HRH1: variants seen among roughly 807,000 people sequenced by gnomAD.
HRH1 encodes the protein histamine receptor H1.
HRH1 carries 6 observed loss-of-function variants against 10.3 expected under a neutral mutation model. That is an observed-to-expected ratio of 0.58 (90% confidence interval 0.32 to 1.15). The LOEUF (loss-of-function observed/expected upper bound fraction) is 1.15, where lower values mean the gene tolerates loss of function less well. Ranked by LOEUF, HRH1 falls within the 50% of genes most tolerant of loss-of-function variation. The probability of loss-of-function intolerance (pLI) is 0.05; values close to 1 mark genes in which losing one functional copy is unlikely to be tolerated. For missense variants in HRH1, 514 were observed against 615.3 expected (o/e 0.84, Z 1.74); for synonymous variants, 242 against 236.7 (o/e 1.02, Z -0.21).
intron 1 of HRH1, among the ~76,000 whole-genome samples, chr3:11,184,481 G>C (rs908320842): frequency 9.9e-5 from 15 of 152,216 alleles, no homozygotes; most frequent in African/African-American, 3.4e-4. Context: ...ACCCTCTTTT[G>C]TGTCTGAGGT....
chr3:11,199,319 C>G (rs1241495183), intron 1 of HRH1, among the ~76,000 whole-genome samples: 1 of 152,158 alleles, frequency 6.6e-6, no homozygotes, highest in Non-Finnish European at 1.5e-5. Context: ...TCCTTAGAGT[C>G]TAGTGCTTAC....
chr3:11,194,657 TACAA>T (rs2125023286), intron 1 of HRH1, among the ~76,000 whole-genome samples: 1 of 152,202 alleles, frequency 6.6e-6, no homozygotes, highest in Non-Finnish European at 1.5e-5. Context: ...GTACTAAAAA[TACAA>T]ACAATTAGCT....
At chr3:11,170,436 C>A (rs1032453385) in intron 1 of HRH1, among the ~76,000 whole-genome samples, 2 of 152,218 alleles carry the variant, frequency 1.3e-5, no homozygotes, top group Admixed American at 1.3e-4. Context: ...TGTGCCACAC[C>A]CCACACTGGG....
intron 1 of HRH1, among the ~76,000 whole-genome samples, chr3:11,176,534 C>G (rs1325389186): frequency 6.6e-6 from 1 of 152,164 alleles, no homozygotes; most frequent in Non-Finnish European, 1.5e-5. Flanking sequence ...CCCTCCAACA[C>G]ACACTGTGAA....
chr3:11,205,569 G>A (rs1938089374), intron 1 of HRH1, among the ~76,000 whole-genome samples: 1 of 152,152 alleles, frequency 6.6e-6, no homozygotes, highest in South Asian at 2.1e-4. Flanking sequence ...GCAAGCGCAT[G>A]GCACATGAAT....
At chr3:11,227,441 C>G (rs1938923094) in intron 1 of HRH1, among the ~76,000 whole-genome samples, 1 of 152,112 alleles carries the variant, frequency 6.6e-6, no homozygotes, top group Admixed American at 6.5e-5. Context: ...CGCCCGCCAC[C>G]ACGCCTGGCT....
chr3:11,196,841 A>G (rs1002083141), intron 1 of HRH1, among the ~76,000 whole-genome samples: 2 of 151,414 alleles, frequency 1.3e-5, no homozygotes, highest in African/African-American at 2.4e-5. Context: ...CGGGCACGGT[A>G]GCTCACGCCT....
chr3:11,165,168 A>C (rs183738580), intron 1 of HRH1, among the ~76,000 whole-genome samples: 2 of 152,364 alleles, frequency 1.3e-5, no homozygotes, highest in Admixed American at 1.3e-4. Flanking sequence ...AACAAGGTTG[A>C]AATGGAGATC....
chr3:11,147,812 A>G (rs1265271128), intron 1 of HRH1, among the ~76,000 whole-genome samples: 3 of 152,212 alleles, frequency 2.0e-5, no homozygotes, highest in Non-Finnish European at 4.4e-5. Flanking sequence ...CTTTAGGCCC[A>G]GGCTGTTTGA....
intron 1 of HRH1, among the ~76,000 whole-genome samples, chr3:11,203,012 C>T (rs1013835616): frequency 4.6e-5 from 7 of 152,162 alleles, no homozygotes; most frequent in African/African-American, 1.4e-4. Flanking sequence ...TAGTACGTAG[C>T]GTTTTCAGAT....
chr3:11,246,196 C>T (rs1054318282), intron 1 of HRH1, among the ~76,000 whole-genome samples: 2 of 152,164 alleles, frequency 1.3e-5, no homozygotes, highest in Non-Finnish European at 2.9e-5. Context: ...TCAGCTCCTG[C>T]CTCTAGAGCT....
At chr3:11,184,151 C>G (rs1937409225) in intron 1 of HRH1, among the ~76,000 whole-genome samples, 1 of 152,148 alleles carries the variant, frequency 6.6e-6, no homozygotes, top group African/African-American at 2.4e-5. Context: ...CTGGCCCCCA[C>G]CTTCCACCTC....
At chr3:11,173,883 A>G (rs1937201244) in intron 1 of HRH1, among the ~76,000 whole-genome samples, 1 of 152,160 alleles carries the variant, frequency 6.6e-6, no homozygotes, top group Non-Finnish European at 1.5e-5. Context: ...TGCCAGGTGT[A>G]AAGAGTTGTG....
At chr3:11,148,599 A>T (rs1225674107) in intron 1 of HRH1, among the ~76,000 whole-genome samples, 3 of 152,030 alleles carry the variant, frequency 2.0e-5, no homozygotes, top group Non-Finnish European at 4.4e-5. Context: ...AGCTCCAGGC[A>T]TTACATCTAC....
chr3:11,205,416 C>G (rs1938083022), intron 1 of HRH1, among the ~76,000 whole-genome samples: 1 of 152,178 alleles, frequency 6.6e-6, no homozygotes, highest in Admixed American at 6.5e-5. Context: ...AATCCCAGCT[C>G]CACCACTCAC....
chr3:11,141,077 T>C (rs1287789799), intron 1 of HRH1, among the ~76,000 whole-genome samples: 1 of 152,122 alleles, frequency 6.6e-6, no homozygotes, highest in Non-Finnish European at 1.5e-5. Flanking sequence ...CCTCTCCCCA[T>C]CCTGGGATCC....
At chr3:11,165,088 G>A (rs1212392610) in intron 1 of HRH1, among the ~76,000 whole-genome samples, 4 of 152,200 alleles carry the variant, frequency 2.6e-5, no homozygotes, top group South Asian at 2.1e-4. Context: ...ATTCTCATAC[G>A]AGAAAGCACA....
intron 1 of HRH1, chr3:11,234,695 C>T: frequency 9.3e-7 from 1 of 1,074,162 alleles, no homozygotes; most frequent in South Asian, 1.3e-5. Context: ...GCAGCCCTGC[C>T]CTGAGACCTT....
At chr3:11,199,445 C>CAGG (rs1937813419) in intron 1 of HRH1, among the ~76,000 whole-genome samples, 1 of 152,124 alleles carries the variant, frequency 6.6e-6, no homozygotes, top group South Asian at 2.1e-4. Flanking sequence ...TGGCTAATGC[C>CAGG]CATTCTCCCC....
Sources: allele counts gnomAD v4.1 joint callset (sites outside exome capture counted in the v4.1 genomes callset), GRCh38; gene constraint gnomAD v4.1.1; transcripts MANE v1.5; gene names NCBI Gene and HGNC (gene_info 2026-07-23, HGNC 2026-07-21).